ATP6V0E1: variants seen among roughly 807,000 people sequenced by gnomAD.
ATP6V0E1 encodes ATPase H+ transporting V0 subunit e1.
Under a neutral mutation model 11.6 loss-of-function variants are expected in ATP6V0E1, and 4 were observed. The ratio of observed to expected loss-of-function variants is 0.35; its 90% CI spans 0.17 to 0.79. The LOEUF is 0.79. Among genes scored for constraint, ATP6V0E1 ranks in the 30% least tolerant of loss-of-function variants. The pLI, the probability that ATP6V0E1 is intolerant of heterozygous loss-of-function variation, is 0.54. For missense variants in ATP6V0E1, 105 were observed against 100.0 expected, an observed-to-expected ratio of 1.05 and a Z score of -0.21; for synonymous variants, 36 against 34.8, an observed-to-expected ratio of 1.04 and a Z score of -0.13.
intron 2 of ATP6V0E1, among the ~76,000 whole-genome samples, chr5:173,019,422 G>A (rs1296332678): frequency 1.3e-5 from 2 of 152,118 alleles, no homozygotes; most frequent in African/African-American, 4.8e-5. Flanking sequence ...GGGCGTGGTG[G>A]CGGGCGCCTG....
intron 3 of ATP6V0E1, among the ~76,000 whole-genome samples, chr5:173,022,560 G>A (rs1255847176): frequency 6.6e-6 from 1 of 152,164 alleles, no homozygotes; most frequent in African/African-American, 2.4e-5. Flanking sequence ...GCTAACTGCA[G>A]TCTTGACCTC....
intron 1 of ATP6V0E1, among the ~76,000 whole-genome samples, chr5:172,984,880 T>C (rs963282373): frequency 6.6e-6 from 1 of 152,236 alleles, no homozygotes; most frequent in Non-Finnish European, 1.5e-5. Flanking sequence ...CTGGTTTTCA[T>C]AGTACCTTGT....
intron 1 of ATP6V0E1, among the ~76,000 whole-genome samples, chr5:172,985,192 C>T: frequency 6.6e-6 from 1 of 150,578 alleles, no homozygotes. Context: ...TTGCAGTGAG[C>T]CGAGATCGCG....
intron 3 of ATP6V0E1, among the ~76,000 whole-genome samples, chr5:173,025,419 A>G (rs1383987078): frequency 6.6e-6 from 1 of 151,222 alleles, no homozygotes; most frequent in Non-Finnish European, 1.5e-5. Flanking sequence ...TGCTCGGATT[A>G]CAGGTATGAG....
In ATP6V0E1 at chr5:173,032,299, T is replaced by C. The variant is rs1479146821; in HGVS notation, c.*37-2100T>C. ...TTTATTTATTTATTTATTTATTTAT[T>C]TATTTTGAGATGGGGTCTTGCTCTG... On this transcript the variant is annotated intron_variant, in intron 3 of 3. Transcript: ENST00000519374. 2.0e-5 allele frequency among the ~76,000 whole-genome samples: 3 copies of C among 149,910 alleles called. No individual in the cohort carries two copies. In the East Asian group the frequency reaches 5.8e-4, roughly 29 times the overall value.
intron 3 of ATP6V0E1, among the ~76,000 whole-genome samples, chr5:173,027,053 C>T (rs1337453131): frequency 6.6e-6 from 1 of 151,384 alleles, no homozygotes; most frequent in African/African-American, 2.4e-5. Flanking sequence ...GTGGCAGACG[C>T]CTGTAGTCCC....
intron 1 of ATP6V0E1, 105 bp from the exon 2 acceptor site, chr5:172,994,670 A>C: frequency 1.1e-6 from 1 of 906,832 alleles, no homozygotes; most frequent in Non-Finnish European, 1.7e-6. Flanking sequence ...CTTGGTGTGC[A>C]ATCCATGCCA....
chr5:173,004,781 A>G (rs1756205869), intron 2 of ATP6V0E1, among the ~76,000 whole-genome samples: 1 of 152,214 alleles, frequency 6.6e-6, no homozygotes, highest in Non-Finnish European at 1.5e-5. Flanking sequence ...TTTGGCAGTT[A>G]GGCATGACTG....
chr5:173,024,072 C>G (rs181313523), intron 3 of ATP6V0E1, among the ~76,000 whole-genome samples: 206 of 151,816 alleles, frequency 1.4e-3, no homozygotes, highest in Non-Finnish European at 2.3e-3. Context: ...GTGGTGGGCG[C>G]CTGTAGTCCC....
intron 3 of ATP6V0E1, among the ~76,000 whole-genome samples, chr5:173,032,247 TA>T (rs978992117): frequency 6.8e-5 from 1 of 14,794 alleles, no homozygotes; most frequent in African/African-American, 3.2e-4. Context: ...ACTTTTATTT[TA>T]TTTTATTTAT....
intron 1 of ATP6V0E1, among the ~76,000 whole-genome samples, chr5:172,985,808 A>G (rs1279204713): frequency 2.0e-5 from 3 of 152,232 alleles, no homozygotes; most frequent in Non-Finnish European, 4.4e-5. Context: ...ATATATAGAC[A>G]TGTGTCACTT....
At chr5:173,013,927 G>T (rs1756367035) in intron 2 of ATP6V0E1, among the ~76,000 whole-genome samples, 1 of 152,176 alleles carries the variant, frequency 6.6e-6, no homozygotes, top group South Asian at 2.1e-4. Context: ...GCCAAGGCAG[G>T]TGGATCATCT....
At chr5:173,002,236 T>G (rs973464795) in intron 2 of ATP6V0E1, among the ~76,000 whole-genome samples, 4 of 152,248 alleles carry the variant, frequency 2.6e-5, no homozygotes, top group African/African-American at 9.6e-5. Context: ...ACAAAAAACT[T>G]AATTCCTTTA....
chr5:173,020,115 A>G, intron 2 of ATP6V0E1, 123 bp from the exon 3 acceptor site: 2 of 722,544 alleles, frequency 2.8e-6, no homozygotes, highest in Non-Finnish European at 4.8e-6. Flanking sequence ...ATGTATATGG[A>G]AAGTTTGGTG....
At chr5:172,992,415 G>T (rs2113581289) in intron 1 of ATP6V0E1, among the ~76,000 whole-genome samples, 1 of 152,194 alleles carries the variant, frequency 6.6e-6, no homozygotes, top group African/African-American at 2.4e-5. Context: ...GAGGCCACAT[G>T]GTACCTCTTT....
intron 3 of ATP6V0E1, among the ~76,000 whole-genome samples, chr5:173,023,275 C>T (rs1478130822): frequency 6.6e-6 from 1 of 152,164 alleles, no homozygotes; most frequent in Non-Finnish European, 1.5e-5. Flanking sequence ...CTCACTGCAA[C>T]CTCTGCCTCC....
chr5:173,009,165 A>G (rs1756276897), intron 2 of ATP6V0E1, among the ~76,000 whole-genome samples: 1 of 151,866 alleles, frequency 6.6e-6, no homozygotes, highest in Non-Finnish European at 1.5e-5. Flanking sequence ...AGCAGAGGTT[A>G]TGGTGAGCCA....
intron 3 of ATP6V0E1, among the ~76,000 whole-genome samples, chr5:173,033,019 C>G (rs1380889718): frequency 6.6e-6 from 1 of 152,160 alleles, no homozygotes; most frequent in Admixed American, 6.6e-5. Context: ...TTGCTTGAGT[C>G]CAGAAGGTCG....
At chr5:173,026,636 C>T (rs75644220) in intron 3 of ATP6V0E1, among the ~76,000 whole-genome samples, 2,865 of 152,232 alleles carry the variant, frequency 0.019, 37 homozygotes, top group Non-Finnish European at 0.03. Flanking sequence ...TTGCTGCATA[C>T]TGGTGTATAG....
Sources: gnomAD v4.1 joint callset for allele counts (sites outside exome capture counted in the v4.1 genomes callset) on GRCh38, gnomAD v4.1.1 for gene constraint, MANE v1.5 for transcripts, NCBI Gene and HGNC (gene_info 2026-07-23, HGNC 2026-07-21) for gene names.